Variants in TAFA2 observed in about 807,000 individuals in gnomAD.
The protein encoded by TAFA2 is chemokine-like protein TAFA-2.
In TAFA2, 7 loss-of-function variants were observed where a neutral mutation model predicts 18.8. The ratio of observed to expected loss-of-function variants is 0.37; its 90% CI spans 0.21 to 0.70. TAFA2 has a LOEUF of 0.70. Ranked by LOEUF, TAFA2 falls within the 30% of genes least tolerant of loss-of-function variation. The pLI is 0.53. For synonymous variants in TAFA2, 60 were observed against 54.2 expected, an observed-to-expected ratio of 1.11 and a Z score of -0.47; for missense variants, 122 against 158.1, an observed-to-expected ratio of 0.77 and a Z score of 1.23.
chr12:62,129,842 G>A (rs867848432), intron 1 of TAFA2, among the ~76,000 whole-genome samples: 21 of 151,832 alleles, frequency 1.4e-4, no homozygotes, highest in African/African-American at 5.1e-4. Flanking sequence ...TCCGCTATAC[G>A]GCAAAATACT....
chr12:62,036,441 T>A (rs1216710721), intron 1 of TAFA2, among the ~76,000 whole-genome samples: 1 of 152,204 alleles, frequency 6.6e-6, no homozygotes, highest in East Asian at 1.9e-4. Context: ...GTTCCCAAAA[T>A]GTTCTGAATT....
Position 61,925,734 on chromosome 12 carries a change from C to T in TAFA2, c.-1-58308G>A, listed in dbSNP as rs1027917261. On this transcript the variant is annotated intron_variant, in intron 1 of 4. Coordinates refer to ENST00000416284, the MANE Select transcript of TAFA2 (RefSeq NM_178539.5). ...GAGGGAAATTTATAACACTAAATGCCCACAAAAGAAAGCAGGAAAGATCTA... is the reference window on the plus strand; with the variant it reads ...GAGGGAAATTTATAACACTAAATGCTCACAAAAGAAAGCAGGAAAGATCTA... 2.9e-4 allele frequency among the ~76,000 whole-genome samples: 44 copies of T among 151,872 alleles called. 1 individual carries two copies. Among genetic ancestry groups the T allele is most frequent in the African/African-American group, 9.9e-4 (41 of 41,334 alleles).
intron 1 of TAFA2, among the ~76,000 whole-genome samples, chr12:62,083,031 C>A (rs1477635116): frequency 6.6e-6 from 1 of 152,026 alleles, no homozygotes; most frequent in Non-Finnish European, 1.5e-5. Flanking sequence ...GATCACACAG[C>A]CAGTAAAAGC....
chr12:61,834,817 TATC>T (rs1390949360), intron 2 of TAFA2, among the ~76,000 whole-genome samples: 1 of 152,098 alleles, frequency 6.6e-6, no homozygotes, highest in Non-Finnish European at 1.5e-5. Flanking sequence ...TTATCTTTAA[TATC>T]ATTTCTTATT....
chr12:61,978,560 T>C (rs1879518240), intron 1 of TAFA2, among the ~76,000 whole-genome samples: 1 of 152,042 alleles, frequency 6.6e-6, no homozygotes, highest in Non-Finnish European at 1.5e-5. Context: ...CCGAAGTCTC[T>C]ACACATGCCC....
chr12:61,967,375 A>T (rs1879104086), intron 1 of TAFA2, among the ~76,000 whole-genome samples: 1 of 151,858 alleles, frequency 6.6e-6, no homozygotes, highest in Non-Finnish European at 1.5e-5. Flanking sequence ...AGCAAGGTCA[A>T]AGTCCTTACA....
At chr12:62,257,027 G>A (rs779543553) in intron 1 of TAFA2, among the ~76,000 whole-genome samples, 2 of 152,076 alleles carry the variant, frequency 1.3e-5, no homozygotes, top group East Asian at 3.9e-4. Context: ...AGGAAAAACT[G>A]AGACAGTGGT....
At chr12:62,201,570 G>T (rs1351224201) in intron 1 of TAFA2, among the ~76,000 whole-genome samples, 1 of 152,192 alleles carries the variant, frequency 6.6e-6, no homozygotes, top group Non-Finnish European at 1.5e-5. Flanking sequence ...AACCAGCCTT[G>T]CATCCCAGGG....
At chr12:61,819,734 A>G (rs941140438) in intron 2 of TAFA2, among the ~76,000 whole-genome samples, 1 of 152,124 alleles carries the variant, frequency 6.6e-6, no homozygotes, top group South Asian at 2.1e-4. Flanking sequence ...CATGTTTACT[A>G]TCTATTACAT....
At chr12:62,010,850 AGGTGGG>A in intron 1 of TAFA2, among the ~76,000 whole-genome samples, 2 of 108,686 alleles carry the variant, frequency 1.8e-5, no homozygotes, top group African/African-American at 7.2e-5. Context: ...TTCGTCTGGG[AGGTGGG>A]GAGCGCCTCT....
chr12:61,768,573 C>T (rs150591533), intron 2 of TAFA2, among the ~76,000 whole-genome samples: 2 of 152,164 alleles, frequency 1.3e-5, no homozygotes, highest in East Asian at 1.9e-4. Context: ...TCTGAAGGTC[C>T]AGATCATGGG....
chr12:61,732,705 A>G (rs7487085), intron 4 of TAFA2, among the ~76,000 whole-genome samples: 52,173 of 151,510 alleles, frequency 0.34, 8,985 homozygotes, highest in South Asian at 0.38. Context: ...TTTTGGGGAG[A>G]GACAAGGTGG....
At chr12:62,160,630 A>G (rs1432790518) in intron 1 of TAFA2, among the ~76,000 whole-genome samples, 2 of 152,206 alleles carry the variant, frequency 1.3e-5, no homozygotes, top group Non-Finnish European at 2.9e-5. Flanking sequence ...TAACTTCAGC[A>G]TATGACAGAC....
intron 1 of TAFA2, among the ~76,000 whole-genome samples, chr12:62,248,708 T>C (rs1307681608): frequency 6.6e-6 from 1 of 152,200 alleles, no homozygotes; most frequent in Admixed American, 6.5e-5. Context: ...TCCATTTACT[T>C]TATTTGTTGA....
At chr12:62,253,004 T>C (rs2062921906) in intron 1 of TAFA2, 1 of 152,202 alleles carries the variant, frequency 6.6e-6, no homozygotes, top group African/African-American at 2.4e-5. Flanking sequence ...AACTTGTCAT[T>C]TGATTCTCCT....
chr12:61,821,591 C>A lies in TAFA2; in HGVS notation c.106+45729G>T, dbSNP rs181826064. 1.4e-4 allele frequency among the ~76,000 whole-genome samples: 21 copies of A among 152,192 alleles called. No individual in the cohort carries two copies. In the East Asian group the frequency reaches 3.7e-3, roughly 27 times the overall value. On this transcript the variant is annotated intron_variant, in intron 2 of 4. Coordinates refer to ENST00000416284, the MANE Select transcript of TAFA2 (RefSeq NM_178539.5). ...GCTATTTCAGAGCTGTCCTAGGAAACTGTCTCTGCATCATTTGGACTATGA... is the reference window on the plus strand; with the variant it reads ...GCTATTTCAGAGCTGTCCTAGGAAAATGTCTCTGCATCATTTGGACTATGA...
intron 1 of TAFA2, among the ~76,000 whole-genome samples, chr12:62,240,663 G>T (rs1444041759): frequency 2.0e-5 from 3 of 152,104 alleles, no homozygotes. Flanking sequence ...CATCTACAAT[G>T]GTTGACCAGA....
intron 1 of TAFA2, among the ~76,000 whole-genome samples, chr12:61,899,974 C>A (rs1433265631): frequency 1.3e-5 from 2 of 152,156 alleles, no homozygotes; most frequent in East Asian, 3.8e-4. Flanking sequence ...TAAAATCAAT[C>A]CTCCTCGAAT....
intron 1 of TAFA2, among the ~76,000 whole-genome samples, chr12:62,009,227 C>T (rs2136710099): frequency 6.6e-6 from 1 of 152,196 alleles, no homozygotes; most frequent in East Asian, 1.9e-4. Flanking sequence ...ATTTGGGGGG[C>T]ATCATAAGGC....
Sources: allele counts gnomAD v4.1 joint callset (sites outside exome capture counted in the v4.1 genomes callset), GRCh38; gene constraint gnomAD v4.1.1; transcripts MANE v1.5; gene names NCBI Gene and HGNC (gene_info 2026-07-23, HGNC 2026-07-21).